Variants in C10orf90 observed in about 807,000 individuals in gnomAD.
The protein encoded by C10orf90 is chromosome 10 open reading frame 90, also known as (E2-independent) E3 ubiquitin-conjugating enzyme FATS.
A neutral mutation model predicts 62.5 loss-of-function variants in C10orf90; 56 were observed. That is an observed-to-expected ratio of 0.90 (90% CI 0.72 to 1.12). The LOEUF is 1.12. Ranked by LOEUF, C10orf90 falls within the 50% of genes most tolerant of loss-of-function variation. The pLI is 0.00. For synonymous variants in C10orf90, 386 were observed against 340.4 expected, an observed-to-expected ratio of 1.13 and a Z score of -1.47; for missense variants, 970 against 880.4, an observed-to-expected ratio of 1.10 and a Z score of -1.29.
At chr10:126,616,779 T>C (rs943226055) in intron 2 of C10orf90, among the ~76,000 whole-genome samples, 4 of 152,242 alleles carry the variant, frequency 2.6e-5, no homozygotes, top group African/African-American at 4.8e-5. Flanking sequence ...CACAATCTTT[T>C]AATCTTTGCT....
At chr10:126,645,184 C>T (rs1041435798) in intron 2 of C10orf90, among the ~76,000 whole-genome samples, 2 of 150,110 alleles carry the variant, frequency 1.3e-5, no homozygotes, top group South Asian at 2.1e-4. Context: ...GTGGGTGCAG[C>T]GCACCAGCAT....
intron 2 of C10orf90, among the ~76,000 whole-genome samples, chr10:126,641,922 GA>G (rs1407009411): frequency 2.6e-5 from 4 of 152,152 alleles, no homozygotes; most frequent in Non-Finnish European, 5.9e-5. Flanking sequence ...CCCAGTCTTG[GA>G]ATTTCCAGTG....
chr10:126,589,877 C>T (rs578121563), intron 2 of C10orf90, among the ~76,000 whole-genome samples: 20 of 152,194 alleles, frequency 1.3e-4, no homozygotes, highest in African/African-American at 4.1e-4. Flanking sequence ...TGTAAATGGG[C>T]GAAATGCTCC....
At chr10:126,489,955 T>C (rs1162915836) in intron 4 of C10orf90, among the ~76,000 whole-genome samples, 1 of 133,456 alleles carries the variant, frequency 7.5e-6, no homozygotes, top group Non-Finnish European at 1.6e-5. Flanking sequence ...GCCACATATC[T>C]GTGTGTGTGT....
At chr10:126,522,175 G>A (rs1863774557) in intron 2 of C10orf90, among the ~76,000 whole-genome samples, 2 of 152,220 alleles carry the variant, frequency 1.3e-5, no homozygotes, top group South Asian at 4.1e-4. Context: ...GGCTGAGACA[G>A]GACAATCGCT....
chr10:126,565,520 C>A (rs1324486126), intron 2 of C10orf90, among the ~76,000 whole-genome samples: 1 of 142,588 alleles, frequency 7.0e-6, no homozygotes, highest in African/African-American at 2.6e-5. Context: ...TTGTAGAACA[C>A]CGAGCTCTGC....
intron 4 of C10orf90, among the ~76,000 whole-genome samples, chr10:126,491,241 G>A (rs1861754752): frequency 1.3e-5 from 2 of 152,196 alleles, no homozygotes; most frequent in South Asian, 4.1e-4. Context: ...AAAAGAGTAT[G>A]CTCAATTTGC....
chr10:126,477,243 A>T (rs1860936697), intron 4 of C10orf90, among the ~76,000 whole-genome samples: 1 of 150,248 alleles, frequency 6.7e-6, no homozygotes, highest in African/African-American at 2.4e-5. Context: ...TGACTGTGGG[A>T]TGTGCACAAT....
chr10:126,650,871 C>G (rs938297394), intron 1 of C10orf90, among the ~76,000 whole-genome samples: 1 of 152,168 alleles, frequency 6.6e-6, no homozygotes, highest in Non-Finnish European at 1.5e-5. Flanking sequence ...TGACCCTGGT[C>G]CAGCCTTCCT....
intron 4 of C10orf90, among the ~76,000 whole-genome samples, chr10:126,476,245 ATC>A (rs1323891830): frequency 1.3e-5 from 2 of 152,174 alleles, no homozygotes; most frequent in African/African-American, 4.8e-5. Flanking sequence ...GGCTGACATC[ATC>A]TCTCTGGTTT....
intron 7 of C10orf90, among the ~76,000 whole-genome samples, chr10:126,440,200 G>A (rs1858214686): frequency 6.6e-6 from 1 of 152,178 alleles, no homozygotes; most frequent in African/African-American, 2.4e-5. Flanking sequence ...AACAGACTTG[G>A]TGCTATTACG....
At chr10:126,562,524 C>T (rs938582454) in intron 2 of C10orf90, among the ~76,000 whole-genome samples, 4 of 152,182 alleles carry the variant, frequency 2.6e-5, no homozygotes, top group African/African-American at 9.7e-5. Flanking sequence ...CCTGTGGCAC[C>T]CTGGGTGGCC....
rs532760072 is a variant in C10orf90, at chr10:126,503,055, C to T, written c.1534+902G>A. 5.9e-5 allele frequency among the ~76,000 whole-genome samples: 9 copies of T among 152,226 alleles called. No individual in the cohort carries two copies. In the South Asian group the frequency reaches 1.7e-3, roughly 28 times the overall value. On this transcript the variant is annotated intron_variant, in intron 4 of 9. Transcript: ENST00000488181. ...TGTACCGTAAAATTATGATGCATAT[C>T]CTGCATTTTCAATTGTATACTAATA... is the stretch of plus-strand genomic sequence containing the variant.
At chr10:126,461,310 C>G in intron 6 of C10orf90, 91 bp downstream of exon 6, 1 of 1,448,870 alleles carries the variant, frequency 6.9e-7, no homozygotes, top group South Asian at 1.3e-5. Flanking sequence ...TTTCCAGCCT[C>G]AGAGGTGCAA....
intron 2 of C10orf90, among the ~76,000 whole-genome samples, chr10:126,613,990 C>T (rs1239611796): frequency 2.0e-5 from 3 of 152,204 alleles, no homozygotes; most frequent in Non-Finnish European, 4.4e-5. Flanking sequence ...TCTGATGCCA[C>T]TCCCCTTCCT....
chr10:126,491,286 A>G (rs760581704), intron 4 of C10orf90, among the ~76,000 whole-genome samples: 14 of 152,352 alleles, frequency 9.2e-5, no homozygotes, highest in South Asian at 2.1e-4. Flanking sequence ...AGTGACAGAA[A>G]GATCAGTGGT....
intron 3 of C10orf90, among the ~76,000 whole-genome samples, chr10:126,505,524 G>A (rs1269718434): frequency 6.6e-6 from 1 of 152,206 alleles, no homozygotes; most frequent in Non-Finnish European, 1.5e-5. Flanking sequence ...AAAGGAAACA[G>A]CAACGGTGGT....
intron 8 of C10orf90, among the ~76,000 whole-genome samples, chr10:126,429,493 T>C (rs1857447943): frequency 6.6e-6 from 1 of 152,182 alleles, no homozygotes; most frequent in African/African-American, 2.4e-5. Flanking sequence ...ACAATACTAA[T>C]ATGCAGGAGT....
At chr10:126,665,795 C>A (rs188344214) in intron 1 of C10orf90, among the ~76,000 whole-genome samples, 130 of 152,140 alleles carry the variant, frequency 8.5e-4, no homozygotes, top group Admixed American at 2.6e-3. Flanking sequence ...ATTAGAGAGG[C>A]CAATGTAGCT....
Sources: gnomAD v4.1 joint callset for allele counts (sites outside exome capture counted in the v4.1 genomes callset) on GRCh38, gnomAD v4.1.1 for gene constraint, MANE v1.5 for transcripts, NCBI Gene and HGNC (gene_info 2026-07-23, HGNC 2026-07-21) for gene names.